The following MACROD2 variants were observed in gnomAD, a reference collection of about 807,000 sequenced individuals.
The protein encoded by MACROD2 is ADP-ribose glycohydrolase MACROD2.
A neutral mutation model predicts 70.4 loss-of-function variants in MACROD2; 36 were observed. That is an observed-to-expected ratio of 0.51 (90% CI 0.39 to 0.68). The LOEUF is 0.68. Among genes scored for constraint, MACROD2 ranks in the 30% least tolerant of loss-of-function variants. The pLI is 0.00. For synonymous variants in MACROD2, 172 were observed against 178.8 expected (o/e 0.96, Z 0.30); for missense variants, 496 against 538.4 (o/e 0.92, Z 0.78).
chr20:15,107,387 T>C (rs1778113633), intron 5 of MACROD2, among the ~76,000 whole-genome samples: 1 of 152,160 alleles, frequency 6.6e-6, no homozygotes, highest in Non-Finnish European at 1.5e-5. Flanking sequence ...TACCATTTGT[T>C]GTCAAGCTCT....
At chr20:15,282,280 T>G (rs1366515460) in intron 6 of MACROD2, among the ~76,000 whole-genome samples, 2 of 152,254 alleles carry the variant, frequency 1.3e-5, no homozygotes, top group Admixed American at 1.3e-4. Flanking sequence ...CCTCGTTACT[T>G]ATGCAAATTT....
At chr20:14,822,792 G>T (rs1428528204) in intron 5 of MACROD2, among the ~76,000 whole-genome samples, 1 of 152,002 alleles carries the variant, frequency 6.6e-6, no homozygotes, top group African/African-American at 2.4e-5. Flanking sequence ...ATACATCTGT[G>T]CATGTACCCA....
At chr20:14,137,654 C>A (rs1209501370) in intron 3 of MACROD2, among the ~76,000 whole-genome samples, 1 of 152,054 alleles carries the variant, frequency 6.6e-6, no homozygotes, top group East Asian at 1.9e-4. Context: ...AATATTTGAG[C>A]ATATAACCTG....
At chr20:15,180,688 T>C (rs1014479285) in intron 5 of MACROD2, among the ~76,000 whole-genome samples, 1 of 152,184 alleles carries the variant, frequency 6.6e-6, no homozygotes, top group African/African-American at 2.4e-5. Flanking sequence ...CTACGCTCCG[T>C]GGTTACAGGC....
At chr20:14,807,127 C>T (rs900938359) in intron 5 of MACROD2, among the ~76,000 whole-genome samples, 5 of 152,130 alleles carry the variant, frequency 3.3e-5, no homozygotes, top group South Asian at 2.1e-4. Flanking sequence ...GTGTCCCTGT[C>T]CCCTGTGCCT....
intron 6 of MACROD2, among the ~76,000 whole-genome samples, chr20:15,410,622 G>A (rs909037635): frequency 7.3e-5 from 11 of 151,716 alleles, no homozygotes; most frequent in African/African-American, 1.2e-4. Context: ...ACTCTATGTT[G>A]CAATACAAGC....
chr20:15,669,205 A>C (rs1412597661), intron 8 of MACROD2, among the ~76,000 whole-genome samples: 2 of 152,238 alleles, frequency 1.3e-5, no homozygotes, highest in Non-Finnish European at 2.9e-5. Context: ...AATGAGGTCA[A>C]AGTACGAATA....
chr20:15,465,430 T>C (rs963542327), intron 7 of MACROD2, among the ~76,000 whole-genome samples: 1 of 152,244 alleles, frequency 6.6e-6, no homozygotes, highest in Admixed American at 6.5e-5. Flanking sequence ...TTAAGAGCTT[T>C]CAGGTGTCCT....
At chr20:15,207,381 T>C (rs2076718661) in intron 5 of MACROD2, among the ~76,000 whole-genome samples, 2 of 151,998 alleles carry the variant, frequency 1.3e-5, no homozygotes, top group African/African-American at 4.8e-5. Context: ...TTGAAACATA[T>C]TTTGCCACTT....
intron 5 of MACROD2, among the ~76,000 whole-genome samples, chr20:15,124,659 G>T (rs2076054168): frequency 6.6e-6 from 1 of 151,884 alleles, no homozygotes; most frequent in Admixed American, 6.6e-5. Context: ...CTATGAAAGT[G>T]ATAATTTAAA....
intron 15 of MACROD2, among the ~76,000 whole-genome samples, chr20:16,015,015 C>T (rs2066910929): frequency 6.6e-6 from 1 of 151,912 alleles, no homozygotes; most frequent in African/African-American, 2.4e-5. Context: ...TCAGTTTCCT[C>T]TTTTTTTTAA....
intron 5 of MACROD2, among the ~76,000 whole-genome samples, chr20:14,943,014 C>A (rs1444065812): frequency 6.6e-6 from 1 of 152,182 alleles, no homozygotes; most frequent in Non-Finnish European, 1.5e-5. Context: ...AGCTTGTATT[C>A]ATCACCTGAA....
Position 15,843,680 on chromosome 20 carries a change from CA to C in MACROD2, c.646-19064del, listed in dbSNP as rs575782634. On this transcript the variant is annotated intron_variant, in intron 8 of 17. Transcript: ENST00000684519. ...TTTGGCATATGTGTAGAATTTCTAC[CA>C]TGGGCCCATTTAAAAAATCAATATC... Among the ~76,000 whole-genome samples the C allele has an allele frequency of 9.2e-5, 14 of 152,128 alleles. No homozygotes were observed. In the South Asian group the frequency reaches 2.9e-3, roughly 32 times the overall value.
chr20:15,094,450 A>T (rs73096030), intron 5 of MACROD2, among the ~76,000 whole-genome samples: 235 of 152,300 alleles, frequency 1.5e-3, no homozygotes, highest in Non-Finnish European at 2.5e-3. Context: ...GTTTTCCTTA[A>T]AATTATTTTT....
At chr20:14,517,120 GA>G (rs2085110168) in intron 4 of MACROD2, among the ~76,000 whole-genome samples, 1 of 152,178 alleles carries the variant, frequency 6.6e-6, no homozygotes, top group Non-Finnish European at 1.5e-5. Flanking sequence ...CATTGTAGAA[GA>G]CAGTATGGCA....
chr20:14,723,909 G>A (rs1360484443), intron 5 of MACROD2, among the ~76,000 whole-genome samples: 1 of 152,054 alleles, frequency 6.6e-6, no homozygotes, highest in Non-Finnish European at 1.5e-5. Context: ...GTAATCTGGA[G>A]TCTTTTCATT....
At chr20:15,649,223 TTTCTTTCTTTCTTTC>T (rs2049606738) in intron 8 of MACROD2, among the ~76,000 whole-genome samples, 8 of 21,550 alleles carry the variant, frequency 3.7e-4, no homozygotes, top group South Asian at 4.5e-3. Flanking sequence ...TCTTTCTTTC[TTTCTTTCTTTCTTTC>T]TTTCTTTCTT....
intron 8 of MACROD2, among the ~76,000 whole-genome samples, chr20:15,757,298 A>G (rs1387959591): frequency 2.0e-5 from 3 of 152,166 alleles, no homozygotes; most frequent in Non-Finnish European, 4.4e-5. Context: ...AGAAGGAGAG[A>G]TCAGAGTAAA....
rs1049590608 is a variant in MACROD2, at chr20:15,387,368, TTCTTCCCTCTC to T, written c.541-44035_541-44025del. On this transcript the variant is annotated intron_variant, in intron 6 of 17. Transcript: ENST00000684519. ...CCTCTCTGCTTCTATTCCTCTCCCT[TTCTTCCCTCTC>T]TTCCTACCTCTCTGCAGTCTGCACT... 1.8e-4 allele frequency among the ~76,000 whole-genome samples: 22 copies of T among 123,376 alleles called. 1 individual carries two copies. In the South Asian group the frequency reaches 4.8e-3, roughly 27 times the overall value. The allele number at this position is 123,376 out of a possible 152,430, so 80.9% of individuals were successfully genotyped here. A position where few individuals can be genotyped will look rare whatever the true frequency, so the allele number is the denominator to read the frequency against.
Sources: gnomAD v4.1 joint callset for allele counts (sites outside exome capture counted in the v4.1 genomes callset) on GRCh38, gnomAD v4.1.1 for gene constraint, MANE v1.5 for transcripts, NCBI Gene and HGNC (gene_info 2026-07-23, HGNC 2026-07-21) for gene names.